The following HIVEP2 variants were observed in gnomAD, a reference collection of about 807,000 sequenced individuals.
The protein encoded by HIVEP2 is HIVEP zinc finger 2.
HIVEP2 carries 14 observed loss-of-function variants against 180.7 expected under a neutral mutation model. The ratio of observed to expected loss-of-function variants is 0.08; its 90% CI spans 0.05 to 0.12. HIVEP2 has a LOEUF of 0.12. HIVEP2 is among the 10% of genes least tolerant of loss of function. The pLI is 1.00. For synonymous variants in HIVEP2, 1,184 were observed against 1,136.4 expected (o/e 1.04, Z -0.84); for missense variants, 2,579 against 3,008.5 (o/e 0.86, Z 3.34).
intron 1 of HIVEP2, among the ~76,000 whole-genome samples, chr6:142,875,273 A>G (rs1228658066): frequency 1.3e-5 from 2 of 152,108 alleles, no homozygotes; most frequent in Non-Finnish European, 2.9e-5. Flanking sequence ...AGGGACAAAA[A>G]CAAGCTCAGC....
intron 2 of HIVEP2, among the ~76,000 whole-genome samples, chr6:142,806,974 T>G (rs1417022584): frequency 6.6e-6 from 1 of 152,150 alleles, no homozygotes; most frequent in Non-Finnish European, 1.5e-5. Context: ...AGGTACTGCA[T>G]GGATTATTCT....
rs966657516 is a variant in HIVEP2 at position 142,761,746 on chromosome 6, A to G, written c.5519-181T>C. Among the ~76,000 whole-genome samples, 11 of 152,210 alleles carry G rather than the reference A, an allele frequency of 7.2e-5. 1 individual carries two copies. Among genetic ancestry groups the G allele is most frequent in the South Asian group, 4.1e-4 (2 of 4,830 alleles). ...AAGAAGAATAATCTGGTCTTTGAAG[A>G]TATCAATCCCTGAGAGCTTTGGCCC... On this transcript the variant is annotated intron_variant, in intron 7 of 9. Transcript: ENST00000367603.
In HIVEP2 at chr6:142,922,475, T is replaced by A. The variant is rs79158221; in HGVS notation, c.-641+22624A>T. Among the ~76,000 whole-genome samples, 113 of 152,338 alleles carry A rather than the reference T, an allele frequency of 7.4e-4. No individual in the cohort carries two copies. The East Asian group carries it at 0.021, about 28-fold the overall frequency. ...GTATACTTCTAAAATTTTAAAATAGTAAGATCCAGAGTGGCCTGAACTTCA... is the reference window on the plus strand; with the variant it reads ...GTATACTTCTAAAATTTTAAAATAGAAAGATCCAGAGTGGCCTGAACTTCA... On this transcript the variant is annotated intron_variant, in intron 1 of 9. Transcript: ENST00000367603.
chr6:142,770,640 A>G lies in HIVEP2; in HGVS notation c.4099T>C (p.Cys1367Arg), dbSNP rs1174974536. 2 of 1,614,242 alleles carry G rather than the reference A, an allele frequency of 1.2e-6. No homozygotes were observed. Among genetic ancestry groups the G allele is most frequent in the East Asian group, 2.2e-5 (1 of 44,874 alleles). The change falls in exon 5 of 10, where the codon TGC (cysteine) becomes CGC (arginine). Residue 1367 changes from cysteine to arginine, a missense_variant. Physicochemically the swap from Cys to Arg is radical, Grantham distance 180. Transcript: ENST00000367603. This position sits in a 1 kb window ranked among gnomAD's most constrained non-coding sequence, Gnocchi z 4.7. ...LGQNSPAIVICKVDENMTQRT... is the reference protein window; with the variant it reads ...LGQNSPAIVIRKVDENMTQRT... ...TGGGTCATATTCTCATCGACTTTGC[A>G]TATGACAATGGCAGGGCTATTCTGC...
chr6:142,921,012 C>T (rs1777670858), intron 1 of HIVEP2, among the ~76,000 whole-genome samples: 5 of 152,004 alleles, frequency 3.3e-5, no homozygotes. Flanking sequence ...ATCTCTTTTC[C>T]CCAATTTATT....
At chr6:142,875,841 C>T (rs1358496166) in intron 1 of HIVEP2, among the ~76,000 whole-genome samples, 1 of 152,036 alleles carries the variant, frequency 6.6e-6, no homozygotes, top group African/African-American at 2.4e-5. Flanking sequence ...CATTGGACAG[C>T]CAAGTGCATG....
intron 1 of HIVEP2, among the ~76,000 whole-genome samples, chr6:142,912,443 C>G (rs370963029): frequency 6.6e-6 from 1 of 152,224 alleles, no homozygotes; most frequent in East Asian, 1.9e-4. Context: ...CCTCATCACA[C>G]CTCTCTTCTC....
intron 2 of HIVEP2, among the ~76,000 whole-genome samples, chr6:142,784,582 G>C (rs1381365975): frequency 2.6e-5 from 4 of 152,192 alleles, no homozygotes. Context: ...TGCAAAAATA[G>C]CTTCTGCAAT....
intron 1 of HIVEP2, among the ~76,000 whole-genome samples, chr6:142,927,717 TA>T (rs768232894): frequency 6.6e-5 from 10 of 152,224 alleles, no homozygotes; most frequent in Non-Finnish European, 1.2e-4. Flanking sequence ...AAATGGAAAT[TA>T]CCTGTTCATG....
chr6:142,909,974 T>C (rs1294836317), intron 1 of HIVEP2, among the ~76,000 whole-genome samples: 1 of 152,224 alleles, frequency 6.6e-6, no homozygotes, highest in South Asian at 2.1e-4. Context: ...TATTTCCTTC[T>C]TCACTTTCAG....
At chr6:142,802,212 CT>C (rs1280850615) in intron 2 of HIVEP2, among the ~76,000 whole-genome samples, 1 of 152,198 alleles carries the variant, frequency 6.6e-6, no homozygotes, top group Non-Finnish European at 1.5e-5. Context: ...AGGATTCAAT[CT>C]TCTGCCATGA....
Position 142,759,777 on chromosome 6 carries a change from G to T in HIVEP2, c.6511C>A (p.Pro2171Thr). ...YLQAEPIVLG[P>T]PNLRRGLPQV... is the part of the protein sequence containing the mutation. ...GAAAAGTGGATTATACTTACAGGAGGCCCCAATACAATTGGCTCTGCTTGC... is the reference window on the plus strand; with the variant it reads ...GAAAAGTGGATTATACTTACAGGAGTCCCCAATACAATTGGCTCTGCTTGC... The change falls in exon 9 of 10, where the codon CCT (proline) becomes ACT (threonine). Residue 2171 changes from proline (P) to threonine (T), a missense_variant. Physicochemically the swap from Pro to Thr is conservative, Grantham distance 38. Coordinates refer to ENST00000367603, the MANE Select transcript of HIVEP2 (RefSeq NM_006734.4). 6 of 1,594,574 alleles carry T rather than the reference G, an allele frequency of 3.8e-6. No individual in the cohort carries two copies. Among genetic ancestry groups the T allele is most frequent in the Non-Finnish European group, 5.1e-6 (6 of 1,173,010 alleles).
At chr6:142,793,438 TGAC>T (rs1776188411) in intron 2 of HIVEP2, among the ~76,000 whole-genome samples, 3 of 152,208 alleles carry the variant, frequency 2.0e-5, no homozygotes, top group African/African-American at 4.8e-5. Context: ...AGGAAATTGA[TGAC>T]GATATTCTAT....
intron 4 of HIVEP2, 35 bp from the exon 5 acceptor site, chr6:142,775,160 A>G (rs1775665398): frequency 8.9e-6 from 7 of 789,422 alleles, no homozygotes; most frequent in Non-Finnish European, 1.1e-5. Context: ...GATTGTCATA[A>G]CAGTTTCAAA....
rs201462470 is a variant in HIVEP2 at position 142,753,758 on chromosome 6, G to C, written c.6690C>G (p.Pro2230=). The part of the protein sequence containing the change: ...QQVRAPIPMV[P]VGGIQMVHSM... Reference sequence around the variant, plus strand: ...AGTGAACCATCTGGATCCCACCAACGGGCACCATGGGGATAGGGGCTCGCA... The same window carrying C: ...AGTGAACCATCTGGATCCCACCAACCGGCACCATGGGGATAGGGGCTCGCA... Residue 2230 remains proline (P), a synonymous_variant, in exon 10 of 10, where the codon CCC becomes CCG. Coordinates refer to ENST00000367603, the MANE Select transcript of HIVEP2 (RefSeq NM_006734.4). The C allele has an allele frequency of 3.2e-4, 516 of 1,614,040 alleles. 2 individuals are homozygous for C. The highest frequency in any genetic ancestry group is 3.6e-4 in the East Asian group (16 of 44,888).
chr6:142,818,770 A>AAAGAAAGG (rs1316439468), intron 2 of HIVEP2, among the ~76,000 whole-genome samples: 5 of 148,214 alleles, frequency 3.4e-5, no homozygotes, highest in Admixed American at 6.7e-5. Flanking sequence ...AGAAAGAAAG[A>AAAGAAAGG]AAGAAAGAAA....
chr6:142,807,794 G>C (rs1776589565), intron 2 of HIVEP2, among the ~76,000 whole-genome samples: 1 of 152,198 alleles, frequency 6.6e-6, no homozygotes, highest in Non-Finnish European at 1.5e-5. Context: ...GAGGCCACCA[G>C]CTGGCAGAAA....
intron 2 of HIVEP2, among the ~76,000 whole-genome samples, chr6:142,832,375 A>C (rs1438901011): frequency 6.6e-6 from 1 of 152,164 alleles, no homozygotes; most frequent in Non-Finnish European, 1.5e-5. Flanking sequence ...ACTTCACATA[A>C]ATTACTTTAT....
chr6:142,773,240 C>G lies in HIVEP2; in HGVS notation c.1499G>C (p.Ser500Thr). 6.2e-7 allele frequency: 1 copy of G among 1,614,188 alleles called. No individual in the cohort carries two copies. The highest frequency in any genetic ancestry group is 8.5e-7 in the Non-Finnish European group (1 of 1,180,024). The change falls in exon 5 of 10, where the codon AGT becomes ACT. Residue 500 changes from serine to threonine, a missense_variant. Physicochemically the swap from Ser to Thr is moderately conservative, Grantham distance 58. Transcript: ENST00000367603. ...AATAATCTGGGGTTGTCTGGACTCA[C>G]TGTTGAACTTAGTGGATTTCAGCAT... The part of the protein sequence containing the change: ...TSMLKSTKFN[S>T]ESRQPQIIPS...
Sources: gnomAD v4.1 joint callset for allele counts (sites outside exome capture counted in the v4.1 genomes callset) on GRCh38, gnomAD v4.1.1 for gene constraint, Gnocchi (gnomAD v3.1) non-coding constraint, MANE v1.5 for transcripts, NCBI Gene and HGNC (gene_info 2026-07-23, HGNC 2026-07-21) for gene names.